The following ULK4 variants were observed in gnomAD, a reference collection of about 807,000 sequenced individuals.
The protein encoded by ULK4 is inactive serine/threonine-protein kinase ULK4.
ULK4 carries 133 observed loss-of-function variants against 160.6 expected under a neutral mutation model. The ratio of observed to expected loss-of-function variants is 0.83; its 90% CI spans 0.72 to 0.96. The LOEUF (loss-of-function observed/expected upper bound fraction) is 0.96, where lower values mean the gene tolerates loss of function less well. Among genes scored for constraint, ULK4 ranks in the 40% least tolerant of loss-of-function variants. ULK4 has a pLI of 0.00. For missense variants in ULK4, 1,580 were observed against 1,499.5 expected, an observed-to-expected ratio of 1.05 and a Z score of -0.89; for synonymous variants, 534 against 539.8, an observed-to-expected ratio of 0.99 and a Z score of 0.15.
intron 32 of ULK4, among the ~76,000 whole-genome samples, chr3:41,470,044 A>AAAAAAAAAAAAAAAC (rs1415943037): frequency 8.6e-5 from 10 of 116,686 alleles, no homozygotes; most frequent in Non-Finnish European, 1.2e-4. Context: ...AAAAAAAAAA[A>AAAAAAAAAAAAAAAC]AACAAAGTAT....
chr3:41,911,472 T>A (rs181334529), intron 10 of ULK4, 69 bp downstream of exon 10: 7 of 1,587,836 alleles, frequency 4.4e-6, no homozygotes, highest in Non-Finnish European at 2.6e-6. Flanking sequence ...TAAAGGGACA[T>A]AACACTGAAA....
intron 34 of ULK4, among the ~76,000 whole-genome samples, chr3:41,452,319 T>C (rs923210104): frequency 6.6e-6 from 1 of 152,190 alleles, no homozygotes; most frequent in Non-Finnish European, 1.5e-5. Context: ...CCTACAGTAT[T>C]TGGGTTGTTA....
intron 21 of ULK4, among the ~76,000 whole-genome samples, chr3:41,788,042 A>G (rs77877125): frequency 6.6e-6 from 1 of 152,324 alleles, no homozygotes; most frequent in East Asian, 1.9e-4. Flanking sequence ...TAATATAACA[A>G]TAAGAACATT....
intron 5 of ULK4, among the ~76,000 whole-genome samples, chr3:41,926,784 A>G (rs893267785): frequency 2.0e-5 from 3 of 149,858 alleles, no homozygotes; most frequent in African/African-American, 7.7e-5. Flanking sequence ...ATAAAGCGAA[A>G]AGACAAGGTT....
chr3:41,443,553 G>A (rs183029805), intron 34 of ULK4, among the ~76,000 whole-genome samples: 52 of 152,210 alleles, frequency 3.4e-4, no homozygotes, highest in Admixed American at 1.6e-3. Context: ...TAATGGCAAA[G>A]TTTATACTTT....
At chr3:41,467,557 T>C (rs2083865455) in intron 32 of ULK4, among the ~76,000 whole-genome samples, 3 of 152,104 alleles carry the variant, frequency 2.0e-5, no homozygotes, top group African/African-American at 7.2e-5. Context: ...AAACTAGAAA[T>C]AGCCCAGGTG....
At chr3:41,293,811 G>C (rs1402843334) in intron 35 of ULK4, among the ~76,000 whole-genome samples, 2 of 152,176 alleles carry the variant, frequency 1.3e-5, no homozygotes, top group East Asian at 3.8e-4. Context: ...AAGTGCCATG[G>C]AGCCCTATGG....
intron 32 of ULK4, among the ~76,000 whole-genome samples, chr3:41,550,607 A>T (rs1056453793): frequency 6.6e-6 from 1 of 152,060 alleles, no homozygotes; most frequent in African/African-American, 2.4e-5. Flanking sequence ...CTAAATGTTT[A>T]TGTACCCAAT....
chr3:41,953,926 G>A (rs2148845058), intron 2 of ULK4, among the ~76,000 whole-genome samples: 2 of 151,924 alleles, frequency 1.3e-5, no homozygotes, highest in Non-Finnish European at 2.9e-5. Context: ...GCTCACACCT[G>A]TAATCCCAGC....
In ULK4 at chr3:41,469,602, C is replaced by CAAAAAAAAAAAAAA. The variant is rs71616008; in HGVS notation, c.3227-6363_3227-6350dup. Among the ~76,000 whole-genome samples the CAAAAAAAAAAAAAA allele has an allele frequency of 7.2e-3, 82 of 11,322 alleles. 2 individuals are homozygous for CAAAAAAAAAAAAAA. Among genetic ancestry groups the CAAAAAAAAAAAAAA allele is most frequent in the South Asian group, 0.01 (2 of 196 alleles). The allele number at this position is 11,322 out of a possible 152,430, so 7.4% of individuals were successfully genotyped here. ...TGAAAGAGTGAAGGCCTACACCTGC[C>CAAAAAAAAAAAAAA]AAAAAAAAAAAAAAAAAAAAAAAAA... On this transcript the variant is annotated intron_variant, in intron 32 of 36. Coordinates refer to ENST00000301831, the MANE Select transcript of ULK4 (RefSeq NM_017886.4).
At chr3:41,960,926 G>A (rs557471826) in intron 1 of ULK4, among the ~76,000 whole-genome samples, 2 of 152,186 alleles carry the variant, frequency 1.3e-5, no homozygotes, top group East Asian at 1.9e-4. Context: ...GCCCCTCTGT[G>A]AGCCTGTCTC....
At chr3:41,274,603 A>G (rs1441638725) in intron 35 of ULK4, among the ~76,000 whole-genome samples, 4 of 152,256 alleles carry the variant, frequency 2.6e-5, no homozygotes, top group Non-Finnish European at 5.9e-5. Context: ...TTAAATTGTT[A>G]TAAGACTATT....
At chr3:41,568,519 C>T (rs2087862308) in intron 31 of ULK4, among the ~76,000 whole-genome samples, 1 of 152,160 alleles carries the variant, frequency 6.6e-6, no homozygotes, top group African/African-American at 2.4e-5. Context: ...CTTGTCTACC[C>T]ATTTTATTCC....
chr3:41,278,564 C>G (rs1389279357), intron 35 of ULK4, among the ~76,000 whole-genome samples: 1 of 152,104 alleles, frequency 6.6e-6, no homozygotes, highest in African/African-American at 2.4e-5. Context: ...ATACCTCGTA[C>G]AGGCAGGTGC....
chr3:41,793,387 T>C (rs547120479), intron 20 of ULK4, among the ~76,000 whole-genome samples: 12 of 152,294 alleles, frequency 7.9e-5, no homozygotes, highest in African/African-American at 2.9e-4. Flanking sequence ...GTTAGAAACA[T>C]ATGAGCAGAA....
chr3:41,660,054 G>A (rs1056519058), intron 30 of ULK4, among the ~76,000 whole-genome samples: 5 of 152,094 alleles, frequency 3.3e-5, no homozygotes, highest in African/African-American at 1.2e-4. Context: ...CTTTGGGAGG[G>A]CAAGGTGGGC....
chr3:41,569,877 G>A (rs1347548708), intron 31 of ULK4, among the ~76,000 whole-genome samples: 1 of 152,036 alleles, frequency 6.6e-6, no homozygotes, highest in African/African-American at 2.4e-5. Flanking sequence ...TTCCCCGCCT[G>A]CTTGGAAAAT....
chr3:41,555,592 C>A (rs765466927), intron 32 of ULK4, among the ~76,000 whole-genome samples: 1 of 152,174 alleles, frequency 6.6e-6, no homozygotes, highest in African/African-American at 2.4e-5. Flanking sequence ...ATGAATTCAG[C>A]CATTGTGGAA....
At chr3:41,605,144 A>G (rs1575475846) in intron 31 of ULK4, among the ~76,000 whole-genome samples, 2 of 152,188 alleles carry the variant, frequency 1.3e-5, no homozygotes, top group Middle Eastern at 6.8e-3. Flanking sequence ...TATATCATAA[A>G]CTATACCAAC....
Sources: allele counts gnomAD v4.1 joint callset (sites outside exome capture counted in the v4.1 genomes callset), GRCh38; gene constraint gnomAD v4.1.1; transcripts MANE v1.5; gene names NCBI Gene and HGNC (gene_info 2026-07-23, HGNC 2026-07-21).